TBC1D15: variants seen among roughly 807,000 people sequenced by gnomAD.
TBC1D15 encodes TBC1 domain family member 15, also known as GAP for RAB7.
TBC1D15 carries 39 observed loss-of-function variants against 95.4 expected under a neutral mutation model. The ratio of observed to expected loss-of-function variants is 0.41; its 90% CI spans 0.32 to 0.53. The LOEUF (loss-of-function observed/expected upper bound fraction) is 0.53. Ranked by LOEUF, TBC1D15 falls within the 20% of genes least tolerant of loss-of-function variation. TBC1D15 has a pLI of 0.29. For missense variants in TBC1D15, 733 were observed against 794.3 expected (o/e 0.92, Z 0.93); for synonymous variants, 258 against 261.3 (o/e 0.99, Z 0.12).
chr12:71,904,702 C>T (rs1041295988), intron 10 of TBC1D15, among the ~76,000 whole-genome samples: 5 of 152,148 alleles, frequency 3.3e-5, no homozygotes, highest in Non-Finnish European at 5.9e-5. Context: ...TAAATTCAAA[C>T]ATGGTTGTAT....
Position 71,849,380 on chromosome 12 carries a change from G to A in TBC1D15, c.30+9569G>A, listed in dbSNP as rs962212167. On this transcript the variant is annotated intron_variant, in intron 1 of 16. Coordinates refer to ENST00000485960, the MANE Select transcript of TBC1D15 (RefSeq NM_001146213.3). ...TGTTGTCCAAGGAATGAAAGCAGGC[G>A]CCTCCAGCTGAGCCACTTCCCATGA... 9 of 1,390,068 alleles carry A rather than the reference G, an allele frequency of 6.5e-6. 1 individual carries two copies. Among genetic ancestry groups the A allele is most frequent in the South Asian group, 3.5e-5 (3 of 86,428 alleles). The allele number at this position is 1,390,068 out of a possible 1,614,324, so 86.1% of individuals were successfully genotyped here.
chr12:71,842,449 G>A (rs1219020759), intron 1 of TBC1D15, among the ~76,000 whole-genome samples: 1 of 152,108 alleles, frequency 6.6e-6, no homozygotes, highest in African/African-American at 2.4e-5. Flanking sequence ...ATCATCATGA[G>A]GTCAGATCCT....
intron 9 of TBC1D15, 64 bp downstream of exon 9, chr12:71,896,844 A>G (rs960399466): frequency 4.0e-6 from 5 of 1,265,050 alleles, no homozygotes; most frequent in Non-Finnish European, 4.4e-6. Context: ...ACAAATTAGT[A>G]TAGGGTTTCT....
In TBC1D15 at chr12:71,923,212, TC is replaced by T. The variant is rs1305985382; in HGVS notation, c.*9del. 1 of 1,610,778 alleles carries T rather than the reference TC, an allele frequency of 6.2e-7. No individual in the cohort carries two copies. Among genetic ancestry groups the T allele is most frequent in the Non-Finnish European group, 8.5e-7 (1 of 1,177,578 alleles). On this transcript the variant is annotated 3_prime_UTR_variant, in exon 17 of 17. Transcript: ENST00000485960. The stretch of plus-strand genomic sequence containing the variant: ...AGATTAACACCTGCATGATCACTGT[TC>T]TTGCTTTTTTGGGAAGAGACACTTT...
chr12:71,910,913 G>A (rs1467981947), intron 11 of TBC1D15, among the ~76,000 whole-genome samples: 1 of 151,978 alleles, frequency 6.6e-6, no homozygotes, highest in Non-Finnish European at 1.5e-5. Context: ...CAATGAATTT[G>A]AACAAATTTA....
intron 10 of TBC1D15, among the ~76,000 whole-genome samples, chr12:71,899,944 GCGAGACC>G (rs1189433294): frequency 3.3e-5 from 5 of 152,116 alleles, no homozygotes; most frequent in African/African-American, 1.2e-4. Context: ...GGGTGACAGA[GCGAGACC>G]CCTTCTCAAA....
chr12:71,868,308 C>T (rs762782650), intron 1 of TBC1D15, among the ~76,000 whole-genome samples: 21 of 150,490 alleles, frequency 1.4e-4, no homozygotes, highest in Non-Finnish European at 2.1e-4. Flanking sequence ...TGCGGTAGCA[C>T]GATCTCGGCT....
chr12:71,905,381 A>G (rs1230046831), intron 10 of TBC1D15, among the ~76,000 whole-genome samples: 1 of 152,100 alleles, frequency 6.6e-6, no homozygotes. Context: ...GCTGGAGTAC[A>G]GTGGTGCCAT....
chr12:71,909,749 A>C (rs920280112), intron 11 of TBC1D15, among the ~76,000 whole-genome samples: 1 of 152,156 alleles, frequency 6.6e-6, no homozygotes, highest in Non-Finnish European at 1.5e-5. Context: ...CACTGCCTAC[A>C]CTGAAACAAA....
chr12:71,859,068 T>C (rs558089567), intron 1 of TBC1D15, among the ~76,000 whole-genome samples: 5 of 152,170 alleles, frequency 3.3e-5, no homozygotes, highest in African/African-American at 1.2e-4. Flanking sequence ...TTGATTTGTA[T>C]TTTCTTGCTA....
chr12:71,870,672 T>C (rs1892478842), intron 1 of TBC1D15, among the ~76,000 whole-genome samples: 1 of 152,236 alleles, frequency 6.6e-6, no homozygotes, highest in Non-Finnish European at 1.5e-5. Flanking sequence ...CCACCGGTTA[T>C]TATTTGCCTC....
At chr12:71,922,611 C>A (rs895664349) in intron 16 of TBC1D15, among the ~76,000 whole-genome samples, 3 of 152,178 alleles carry the variant, frequency 2.0e-5, no homozygotes, top group Non-Finnish European at 4.4e-5. Context: ...TCTTCCAAAG[C>A]ATGTCAATGA....
At chr12:71,861,558 A>G in intron 1 of TBC1D15, 1 of 1,387,932 alleles carries the variant, frequency 7.2e-7, no homozygotes, top group South Asian at 1.6e-5. Flanking sequence ...ATAGTTTTTA[A>G]ATTTCTGATT....
intron 3 of TBC1D15, among the ~76,000 whole-genome samples, chr12:71,878,705 G>T (rs1043180877): frequency 7.0e-6 from 1 of 143,502 alleles, no homozygotes; most frequent in African/African-American, 3.0e-5. Context: ...TAGTAGAGAC[G>T]GGGGTTTTGC....
At chr12:71,917,624 G>A (rs866550649) in intron 12 of TBC1D15, 74 bp from the exon 13 acceptor site, 115 of 1,009,938 alleles carry the variant, frequency 1.1e-4, no homozygotes, top group Admixed American at 4.2e-4. Context: ...TAGACATCAT[G>A]TTTTAGTTAT....
intron 11 of TBC1D15, 100 bp from the exon 12 acceptor site, chr12:71,913,726 G>A: frequency 2.7e-6 from 2 of 743,424 alleles, no homozygotes; most frequent in Non-Finnish European, 4.4e-6. Context: ...ATGCAAAGGA[G>A]AAAGATACAA....
At chr12:71,885,823 C>T (rs1476459917) in intron 5 of TBC1D15, among the ~76,000 whole-genome samples, 4 of 151,914 alleles carry the variant, frequency 2.6e-5, no homozygotes, top group East Asian at 1.9e-4. Context: ...CTATAAGGAA[C>T]GGGAAGGAGA....
At chr12:71,877,056 C>T (rs1433796094) in intron 3 of TBC1D15, among the ~76,000 whole-genome samples, 1 of 152,018 alleles carries the variant, frequency 6.6e-6, no homozygotes, top group Non-Finnish European at 1.5e-5. Context: ...AGTGATCTGT[C>T]CACCTCAGCC....
chr12:71,883,102 A>C (rs1340595769), intron 4 of TBC1D15, among the ~76,000 whole-genome samples: 1 of 151,672 alleles, frequency 6.6e-6, no homozygotes, highest in Non-Finnish European at 1.5e-5. Flanking sequence ...AATTGTCTAT[A>C]TGTAGTTTTT....
Sources: allele counts gnomAD v4.1 joint callset (sites outside exome capture counted in the v4.1 genomes callset), GRCh38; gene constraint gnomAD v4.1.1; transcripts MANE v1.5; gene names NCBI Gene and HGNC (gene_info 2026-07-23, HGNC 2026-07-21).